Variants in MINPP1 observed in about 807,000 individuals in gnomAD.
The protein encoded by MINPP1 is multiple inositol polyphosphate phosphatase 1.
In MINPP1, 28 loss-of-function variants were observed where a neutral mutation model predicts 46.1. The observed-to-expected ratio is 0.61, with a 90% confidence interval of 0.45 to 0.83. The LOEUF is 0.83. Among genes scored for constraint, MINPP1 ranks in the 40% least tolerant of loss-of-function variants. The pLI is 0.00. For missense variants in MINPP1, 603 were observed against 610.0 expected (o/e 0.99, Z 0.12); for synonymous variants, 268 against 249.1 (o/e 1.08, Z -0.72).
chr10:87,508,016 T>G, intron 1 of MINPP1: 1 of 1,404,230 alleles, frequency 7.1e-7, no homozygotes, highest in Non-Finnish European at 9.2e-7. Flanking sequence ...GATTTTTAGT[T>G]TGCTTTCTAA....
chr10:87,514,204 G>A (rs76503533), intron 3 of MINPP1, among the ~76,000 whole-genome samples: 63 of 152,240 alleles, frequency 4.1e-4, no homozygotes, highest in African/African-American at 1.4e-3. Context: ...TCTGTCTACC[G>A]TGTGTATATA....
rs139973093 is a variant in MINPP1, at chr10:87,524,793, A to G, written c.1067+3624A>G. On this transcript the variant is annotated intron_variant, in intron 4 of 4. Transcript: ENST00000371996. ...GGTCGGTGGAGCAGTCAGAACATATACAACATTTATCAGTTAAATTTACCA... is the reference window on the plus strand; with the variant it reads ...GGTCGGTGGAGCAGTCAGAACATATGCAACATTTATCAGTTAAATTTACCA... 2.0e-5 allele frequency among the ~76,000 whole-genome samples: 3 copies of G among 152,276 alleles called. No individual in the cohort carries two copies. The East Asian group carries it at 5.8e-4, about 29-fold the overall frequency.
At chr10:87,532,344 T>C (rs769347869) in intron 4 of MINPP1, among the ~76,000 whole-genome samples, 1 of 152,272 alleles carries the variant, frequency 6.6e-6, no homozygotes, top group Non-Finnish European at 1.5e-5. Flanking sequence ...CATTGCACTG[T>C]GGCTCTTACA....
Position 87,520,057 on chromosome 10 carries a change from A to AGTGTGTGT in MINPP1, c.934-964_934-957dup, listed in dbSNP as rs141533495. Among the ~76,000 whole-genome samples, 695 of 147,464 alleles carry AGTGTGTGT rather than the reference A, an allele frequency of 4.7e-3. 3 individuals carry two copies. The highest frequency in any genetic ancestry group is 0.015 in the African/African-American group (607 of 39,346). On this transcript the variant is annotated intron_variant, in intron 3 of 4. Coordinates refer to ENST00000371996, the MANE Select transcript of MINPP1 (RefSeq NM_004897.5). ...TCATTCTTAGAAATATAAAAGGTAT[A>AGTGTGTGT]GTGTGTGTGTGTGTGTGTGTGTTGG...
chr10:87,546,557 T>C (rs1447525496), intron 4 of MINPP1: 1 of 152,264 alleles, frequency 6.6e-6, no homozygotes, highest in Non-Finnish European at 1.5e-5. Flanking sequence ...TTTTTCTTAT[T>C]GCACGTTCAT....
chr10:87,522,212 A>C (rs961224260), intron 4 of MINPP1, among the ~76,000 whole-genome samples: 1 of 152,040 alleles, frequency 6.6e-6, no homozygotes, highest in Non-Finnish European at 1.5e-5. Context: ...TTTAAAGAAG[A>C]CTCCATTTTT....
intron 4 of MINPP1, among the ~76,000 whole-genome samples, chr10:87,522,080 T>G (rs1346356828): frequency 6.6e-6 from 1 of 152,236 alleles, no homozygotes; most frequent in Admixed American, 6.5e-5. Flanking sequence ...TATCTAACTC[T>G]TTAATTAAAA....
chr10:87,528,685 G>A (rs1302500542), intron 4 of MINPP1, among the ~76,000 whole-genome samples: 2 of 152,232 alleles, frequency 1.3e-5, no homozygotes, highest in South Asian at 2.1e-4. Flanking sequence ...TGTATATTCT[G>A]TTGATTTGGG....
intron 4 of MINPP1, among the ~76,000 whole-genome samples, chr10:87,532,995 G>C (rs142816123): frequency 9.3e-6 from 1 of 107,438 alleles, no homozygotes; most frequent in Non-Finnish European, 2.0e-5. Flanking sequence ...TTTTTTTTTT[G>C]TACATGACTT....
chr10:87,539,304 A>T (rs1025287058), intron 4 of MINPP1, among the ~76,000 whole-genome samples: 2 of 152,184 alleles, frequency 1.3e-5, no homozygotes, highest in African/African-American at 4.8e-5. Flanking sequence ...ACTTTTTGGA[A>T]AATGCAACAT....
At chr10:87,510,245 A>G (rs1851315747) in intron 2 of MINPP1, among the ~76,000 whole-genome samples, 2 of 152,250 alleles carry the variant, frequency 1.3e-5, no homozygotes, top group Admixed American at 1.3e-4. Flanking sequence ...TACTTTTGCT[A>G]TTTAAATACC....
At chr10:87,515,573 C>A (rs945364699) in intron 3 of MINPP1, among the ~76,000 whole-genome samples, 2 of 152,058 alleles carry the variant, frequency 1.3e-5, no homozygotes, top group Non-Finnish European at 2.9e-5. Context: ...TTTACTTCAG[C>A]AATTTGTTAG....
chr10:87,515,754 A>C (rs961648070), intron 3 of MINPP1, among the ~76,000 whole-genome samples: 3 of 151,566 alleles, frequency 2.0e-5, no homozygotes, highest in Non-Finnish European at 4.4e-5. Flanking sequence ...TTGAAGTTGG[A>C]TGAGTACACA....
At chr10:87,520,806 C>G (rs1159041945) in intron 3 of MINPP1, among the ~76,000 whole-genome samples, 1 of 152,108 alleles carries the variant, frequency 6.6e-6, no homozygotes, top group Non-Finnish European at 1.5e-5. Context: ...CTGGCTTGCT[C>G]TTGCACACCA....
At chr10:87,512,420 C>G (rs999273091) in intron 2 of MINPP1, among the ~76,000 whole-genome samples, 2 of 152,094 alleles carry the variant, frequency 1.3e-5, no homozygotes, top group African/African-American at 4.8e-5. Flanking sequence ...GGCTGTCTCT[C>G]CTTTCTCCTT....
chr10:87,523,198 C>A (rs1432753964), intron 4 of MINPP1, among the ~76,000 whole-genome samples: 1 of 152,142 alleles, frequency 6.6e-6, no homozygotes, highest in Non-Finnish European at 1.5e-5. Flanking sequence ...CCATGAATTA[C>A]AAATATTCTT....
chr10:87,513,021 C>A, intron 2 of MINPP1, 103 bp from the exon 3 acceptor site: 2 of 791,962 alleles, frequency 2.5e-6, no homozygotes, highest in South Asian at 1.4e-5. Context: ...TGAAGATGTC[C>A]ATTTTATTGA....
Position 87,505,791 on chromosome 10 carries a change from T to C in MINPP1, c.637+239T>C, listed in dbSNP as rs923107044. On this transcript the variant is annotated intron_variant, in intron 1 of 4. Coordinates refer to ENST00000371996, the MANE Select transcript of MINPP1 (RefSeq NM_004897.5). This position sits in a 1 kb window ranked among gnomAD's most constrained non-coding sequence, Gnocchi z 4.4. ...CATCAGGTGTAAATTCAGCACCTTG[T>C]ACTCGCTGCCTGCTTTAGTAGAGTT... Among the ~76,000 whole-genome samples, 2 of 152,208 alleles carry C rather than the reference T, an allele frequency of 1.3e-5. No individual in the cohort carries two copies. The highest frequency in any genetic ancestry group is 6.5e-5 in the Admixed American group (1 of 15,284).
intron 3 of MINPP1, 43 bp from the exon 4 acceptor site, chr10:87,520,993 T>C (rs1851492860): frequency 3.9e-6 from 3 of 777,918 alleles, no homozygotes; most frequent in Non-Finnish European, 4.3e-6. Flanking sequence ...AATCTTGTTA[T>C]ATTTTTGAAA....
Sources: allele counts gnomAD v4.1 joint callset (sites outside exome capture counted in the v4.1 genomes callset), GRCh38; gene constraint gnomAD v4.1.1; non-coding constraint Gnocchi (gnomAD v3.1); transcripts MANE v1.5; gene names NCBI Gene and HGNC (gene_info 2026-07-23, HGNC 2026-07-21).